The following PKP2 variants were observed in gnomAD, a reference collection of about 807,000 sequenced individuals.
The protein encoded by PKP2 is plakophilin 2.
Under a neutral mutation model 83.4 loss-of-function variants are expected in PKP2, and 73 were observed. The ratio of observed to expected loss-of-function variants is 0.88; its 90% CI spans 0.72 to 1.06. PKP2 has a LOEUF of 1.06. PKP2 is among the 50% of genes least tolerant of loss of function. PKP2 has a pLI of 0.00. For missense variants in PKP2, 966 were observed against 1,065.4 expected (o/e 0.91, Z 1.30); for synonymous variants, 409 against 430.4 (o/e 0.95, Z 0.62).
rs187833907 is a variant in PKP2, at chr12:32,809,989, C to G, written c.2014-7433G>C. ...CTTTCATTCCTCTCTGTGCTGTGGA[C>G]TGCAGCTGCTTCTAATGGGCCCTCT... On this transcript the variant is annotated intron_variant, in intron 9 of 12. Coordinates refer to ENST00000340811, the MANE Select transcript of PKP2 (RefSeq NM_001005242.3). Among the ~76,000 whole-genome samples, 8 of 152,340 alleles carry G rather than the reference C, an allele frequency of 5.3e-5. No homozygotes were observed. In the East Asian group the frequency reaches 1.5e-3, roughly 29 times the overall value.
Position 32,896,707 on chromosome 12 carries a change from C to A in PKP2, c.25G>T (p.Glu9Ter). The change falls in exon 1 of 13, where the codon GAG (glutamate) becomes TAG (stop). Residue 9 changes from glutamate (E) to a stop codon, truncating the protein, a stop_gained. Transcript: ENST00000340811. LOFTEE classifies it high-confidence loss of function. ...AGGACGGTCCGGATGTAGCCGTACTCAGCTGGGGCGCCGGGGGCTGCCATG... is the reference window on the plus strand; with the variant it reads ...AGGACGGTCCGGATGTAGCCGTACTAAGCTGGGGCGCCGGGGGCTGCCATG... MAAPGAPA[E>*]YGYIRTVLGQ... 1 of 1,486,478 alleles carries A rather than the reference C, an allele frequency of 6.7e-7. No individual in the cohort carries two copies. Among genetic ancestry groups the A allele is most frequent in the Non-Finnish European group, 8.9e-7 (1 of 1,122,466 alleles). The allele number at this position is 1,486,478 out of a possible 1,614,324, so 92.1% of individuals were successfully genotyped here.
At chr12:32,794,773 A>T (rs1198840247) in intron 11 of PKP2, among the ~76,000 whole-genome samples, 1 of 152,254 alleles carries the variant, frequency 6.6e-6, no homozygotes, top group Non-Finnish European at 1.5e-5. Context: ...GCCTCTGGGG[A>T]TGGGTGAATA....
In PKP2 at chr12:32,877,710, T is replaced by C. The variant is rs147988796; in HGVS notation, c.1034+136A>G. The C allele has an allele frequency of 0.024, 17,970 of 754,628 alleles. 282 individuals are homozygous for C. Among genetic ancestry groups the C allele is most frequent in the South Asian group, 0.035 (2,351 of 67,054 alleles). 46.7% of individuals were successfully genotyped at this position (754,628 alleles called of 1,614,324 possible). ...CTGATCTGTCAATTAGGCAGCTGCC[T>C]GAAAAGTCATTATTTTAATCACTTA... On this transcript the variant is annotated intron_variant, in intron 3 of 12. Transcript: ENST00000340811.
At chr12:32,819,888 C>G (rs201165321) in intron 9 of PKP2, among the ~76,000 whole-genome samples, 1 of 5,068 alleles carries the variant, frequency 2.0e-4, no homozygotes, top group Non-Finnish European at 7.2e-4. Context: ...ACACACAACC[C>G]CCCCCCCCCC....
At chr12:32,857,425 CA>C (rs148807063) in intron 4 of PKP2, among the ~76,000 whole-genome samples, 1 of 147,138 alleles carries the variant, frequency 6.8e-6, no homozygotes, top group African/African-American at 2.5e-5. Context: ...GAACATGTCT[CA>C]AAAAAAAAGA....
rs1163117043 is a variant in PKP2 at position 32,854,748 on chromosome 12, TATGAGAATTTTA to T, written c.1171-3787_1171-3776del. Among the ~76,000 whole-genome samples, 3 of 152,228 alleles carry T rather than the reference TATGAGAATTTTA, an allele frequency of 2.0e-5. No homozygotes were observed. The East Asian group carries it at 5.8e-4, about 29-fold the overall frequency. Reference sequence around the variant, plus strand: ...AAATACATGAAAGGGCAGAGTCACATATGAGAATTTTAACTCTCTCTGTGGCTTTATTCTATC... The same window carrying T: ...AAATACATGAAAGGGCAGAGTCACATACTCTCTCTGTGGCTTTATTCTATC... On this transcript the variant is annotated intron_variant, in intron 4 of 12. Coordinates refer to ENST00000340811, the MANE Select transcript of PKP2 (RefSeq NM_001005242.3).
At chr12:32,817,350 C>G (rs1367424844) in intron 9 of PKP2, among the ~76,000 whole-genome samples, 1 of 152,190 alleles carries the variant, frequency 6.6e-6, no homozygotes, top group East Asian at 1.9e-4. Flanking sequence ...CTACGAAACA[C>G]CATTCTGGAC....
At chr12:32,831,010 C>T (rs79291999) in intron 6 of PKP2, among the ~76,000 whole-genome samples, 55 of 152,224 alleles carry the variant, frequency 3.6e-4, no homozygotes, top group African/African-American at 1.3e-3. Context: ...TGGTAGGCTA[C>T]ATTAATTTCC....
At chr12:32,808,157 C>T (rs1956243560) in intron 9 of PKP2, among the ~76,000 whole-genome samples, 1 of 152,130 alleles carries the variant, frequency 6.6e-6, no homozygotes, top group Non-Finnish European at 1.5e-5. Flanking sequence ...CCTTCAGGTA[C>T]CCCAGTCAGT....
At chr12:32,822,398 CAT>C (rs1956388539) in intron 8 of PKP2, 67 bp downstream of exon 8, 1 of 1,300,700 alleles carries the variant, frequency 7.7e-7, no homozygotes, top group African/African-American at 1.4e-5. Context: ...TAGACATACA[CAT>C]ATACACAAAC....
At chr12:32,831,154 AAGG>A (rs1465881111) in intron 6 of PKP2, among the ~76,000 whole-genome samples, 3 of 152,160 alleles carry the variant, frequency 2.0e-5, no homozygotes, top group African/African-American at 4.8e-5. Context: ...TTGACATGTA[AAGG>A]AGATGTTTGG....
intron 9 of PKP2, among the ~76,000 whole-genome samples, chr12:32,808,857 T>C (rs1455471952): frequency 5.3e-5 from 8 of 152,130 alleles, no homozygotes; most frequent in Non-Finnish European, 1.2e-4. Context: ...GTATCAACAG[T>C]GAAGGCTGTG....
chr12:32,817,565 T>G (rs1956331407), intron 9 of PKP2, among the ~76,000 whole-genome samples: 1 of 152,248 alleles, frequency 6.6e-6, no homozygotes, highest in Non-Finnish European at 1.5e-5. Flanking sequence ...GTTTGCCTTT[T>G]TAATGTCTTA....
At chr12:32,862,425 T>C (rs1025909585) in intron 4 of PKP2, among the ~76,000 whole-genome samples, 3 of 149,944 alleles carry the variant, frequency 2.0e-5, no homozygotes, top group African/African-American at 7.4e-5. Context: ...GGCAGGTGGA[T>C]CACCTGAAGT....
At chr12:32,829,727 CT>C (rs1956480833) in intron 6 of PKP2, among the ~76,000 whole-genome samples, 1 of 151,998 alleles carries the variant, frequency 6.6e-6, no homozygotes, top group Non-Finnish European at 1.5e-5. Flanking sequence ...GTGGCGAAAT[CT>C]TGGCTCACTG....
chr12:32,815,829 T>C (rs1448756648), intron 9 of PKP2, among the ~76,000 whole-genome samples: 2 of 152,200 alleles, frequency 1.3e-5, no homozygotes, highest in Non-Finnish European at 2.9e-5. Flanking sequence ...GGGGACAGCA[T>C]GGCAAAATTT....
At chr12:32,871,262 T>TGCC (rs1956893830) in intron 3 of PKP2, among the ~76,000 whole-genome samples, 1 of 152,076 alleles carries the variant, frequency 6.6e-6, no homozygotes, top group African/African-American at 2.4e-5. Flanking sequence ...TCTCACCCAT[T>TGCC]CTTCAAGACT....
At chr12:32,793,058 T>G (rs561155935) in intron 11 of PKP2, among the ~76,000 whole-genome samples, 1 of 152,100 alleles carries the variant, frequency 6.6e-6, no homozygotes. Flanking sequence ...CTGGCCAACA[T>G]GGTGAAACCC....
chr12:32,865,871 A>G (rs1366233602), intron 4 of PKP2, among the ~76,000 whole-genome samples: 1 of 152,168 alleles, frequency 6.6e-6, no homozygotes, highest in East Asian at 1.9e-4. Context: ...TCCACATCTT[A>G]CAATATATAA....
Sources: allele counts gnomAD v4.1 joint callset (sites outside exome capture counted in the v4.1 genomes callset), GRCh38; gene constraint gnomAD v4.1.1; transcripts MANE v1.5; gene names NCBI Gene and HGNC (gene_info 2026-07-23, HGNC 2026-07-21).